The following DNAJC2 variants were observed in gnomAD, a reference collection of about 807,000 sequenced individuals.
The protein encoded by DNAJC2 is DnaJ heat shock protein family (Hsp40) member C2.
DNAJC2 carries 32 observed loss-of-function variants against 94.0 expected under a neutral mutation model. The observed-to-expected ratio is 0.34, with a 90% CI of 0.26 to 0.46. DNAJC2 has a LOEUF of 0.46. Ranked by LOEUF, DNAJC2 falls within the 20% of genes least tolerant of loss-of-function variation. The pLI, the probability that DNAJC2 is intolerant of heterozygous loss-of-function variation, is 1.00. For missense variants in DNAJC2, 550 were observed against 719.5 expected, an observed-to-expected ratio of 0.76 and a Z score of 2.69; for synonymous variants, 210 against 229.7, an observed-to-expected ratio of 0.91 and a Z score of 0.77.
rs1819535156 is a variant in DNAJC2 at position 103,344,686 on chromosome 7, T to A, written c.-64A>T. On this transcript the variant is annotated 5_prime_UTR_variant, in exon 1 of 17. Transcript: ENST00000379263. ...CGTCCCGGGCGGAGGGCGCTTAGGGTCCCCTCCAGCTCTACCTCTCACTCC... is the reference window on the plus strand; with the variant it reads ...CGTCCCGGGCGGAGGGCGCTTAGGGACCCCTCCAGCTCTACCTCTCACTCC... 8 of 1,549,516 alleles carry A rather than the reference T, an allele frequency of 5.2e-6. No homozygotes were observed. In the East Asian group the frequency reaches 1.8e-4, roughly 35 times the overall value.
chr7:103,342,941 G>C (rs748357482), intron 1 of DNAJC2, among the ~76,000 whole-genome samples: 25 of 151,578 alleles, frequency 1.6e-4, no homozygotes, highest in Non-Finnish European at 2.8e-4. Flanking sequence ...AATAAATAGT[G>C]ATAAATTGTC....
At chr7:103,344,415 G>T in intron 1 of DNAJC2, 144 bp downstream of exon 1, 1 of 831,430 alleles carries the variant, frequency 1.2e-6, no homozygotes, top group Non-Finnish European at 2.0e-6. Context: ...AAAACACGGA[G>T]CAAAAAGGCA....
chr7:103,340,422 T>C (rs1443034665), intron 2 of DNAJC2, among the ~76,000 whole-genome samples: 1 of 152,260 alleles, frequency 6.6e-6, no homozygotes, highest in African/African-American at 2.4e-5. Context: ...TTAGCTTATT[T>C]AGTCCTCTAA....
chr7:103,322,589 T>C lies in DNAJC2; in HGVS notation c.855A>G (p.Glu285=). 1 of 1,611,078 alleles carries C rather than the reference T, an allele frequency of 6.2e-7. No homozygotes were observed. Among genetic ancestry groups the C allele is most frequent in the Non-Finnish European group, 8.5e-7 (1 of 1,178,098 alleles). ...CTGCTTCTTTCTTGGCTTTTTCTTC[T>C]TCCTTGAACTTTTTTATCCTTGGAT... ...SCDPRIKKFK[E]EEKAKKEAEK... Residue 285 remains glutamate (E), a synonymous_variant, in exon 9 of 17, where the codon GAA becomes GAG. Coordinates refer to ENST00000379263, the MANE Select transcript of DNAJC2 (RefSeq NM_014377.3).
At chr7:103,317,114 A>G in intron 12 of DNAJC2, 100 bp from the exon 13 acceptor site, 2 of 1,048,386 alleles carry the variant, frequency 1.9e-6, no homozygotes, top group Non-Finnish European at 2.8e-6. Context: ...TCTCAATGTC[A>G]TTCTCACTCT....
At chr7:103,333,792 A>T (rs1284856372) in intron 3 of DNAJC2, among the ~76,000 whole-genome samples, 1 of 152,100 alleles carries the variant, frequency 6.6e-6, no homozygotes, top group African/African-American at 2.4e-5. Flanking sequence ...TTTGAGATTC[A>T]TCCATGTTTT....
At chr7:103,316,223 C>G in intron 13 of DNAJC2, 135 bp from the exon 14 acceptor site, 1 of 486,108 alleles carries the variant, frequency 2.1e-6, no homozygotes, top group South Asian at 5.6e-5. Context: ...TCTAATTATG[C>G]TGCTACTATA....
chr7:103,344,262 C>T (rs1251259805), intron 1 of DNAJC2: 5 of 442,404 alleles, frequency 1.1e-5, no homozygotes, highest in Non-Finnish European at 2.0e-5. Context: ...TTATGAGAAC[C>T]TTTCTGGGGT....
intron 10 of DNAJC2, among the ~76,000 whole-genome samples, chr7:103,321,061 G>T (rs897694391): frequency 6.6e-6 from 1 of 151,278 alleles, no homozygotes; most frequent in African/African-American, 2.4e-5. Flanking sequence ...AGCTGGGTGT[G>T]GTGGTATGCA....
At chr7:103,321,287 G>T (rs575433101) in intron 10 of DNAJC2, among the ~76,000 whole-genome samples, 1 of 151,972 alleles carries the variant, frequency 6.6e-6, no homozygotes, top group African/African-American at 2.4e-5. Context: ...GGAAGGCTGA[G>T]ATGGGTGGAT....
chr7:103,325,431 T>A (rs1818652360), intron 5 of DNAJC2, among the ~76,000 whole-genome samples: 3 of 144,606 alleles, frequency 2.1e-5, no homozygotes. Flanking sequence ...AGCAAGATAC[T>A]GTCTCAAAAT....
chr7:103,313,998 C>T, intron 15 of DNAJC2: 1 of 985,278 alleles, frequency 1.0e-6, no homozygotes, highest in Non-Finnish European at 1.2e-6. Flanking sequence ...GCCTAGAAAC[C>T]AAAGTTCCTT....
rs568247866 is a variant in DNAJC2, at chr7:103,313,178, G to A, written c.1637-77C>T. ...CAAGTCTTGTGGTCCACAAGTATTCGCTAAGTGCCCATTTCAATCTGGGAT... is the reference window on the plus strand; with the variant it reads ...CAAGTCTTGTGGTCCACAAGTATTCACTAAGTGCCCATTTCAATCTGGGAT... On this transcript the variant is annotated intron_variant, in intron 15 of 16. Coordinates refer to ENST00000379263, the MANE Select transcript of DNAJC2 (RefSeq NM_014377.3). The A allele has an allele frequency of 4.7e-6, 7 of 1,487,318 alleles. No individual in the cohort carries two copies. The East Asian group carries it at 9.5e-5, about 20-fold the overall frequency. 92.1% of individuals were successfully genotyped at this position (1,487,318 alleles called of 1,614,324 possible).
intron 2 of DNAJC2, among the ~76,000 whole-genome samples, chr7:103,340,370 C>T (rs1819331154): frequency 6.6e-6 from 1 of 152,188 alleles, no homozygotes; most frequent in African/African-American, 2.4e-5. Context: ...TCAGCTAACA[C>T]TTTCTGAGTG....
chr7:103,313,706 C>G, intron 15 of DNAJC2: 1 of 985,348 alleles, frequency 1.0e-6, no homozygotes, highest in Non-Finnish European at 1.2e-6. Flanking sequence ...CTGAACACTT[C>G]CAATAACTGC....
At chr7:103,327,296 A>T (rs1239474247) in intron 4 of DNAJC2, 2 of 1,194,312 alleles carry the variant, frequency 1.7e-6, no homozygotes, top group South Asian at 1.3e-5. Flanking sequence ...AAAAAAAAAA[A>T]ATCTTAGTAT....
At chr7:103,320,637 G>A (rs936864397) in intron 10 of DNAJC2, among the ~76,000 whole-genome samples, 8 of 150,826 alleles carry the variant, frequency 5.3e-5, no homozygotes, top group Non-Finnish European at 7.4e-5. Flanking sequence ...CCAGCTACTC[G>A]GGAGGCTGAG....
At chr7:103,314,903 C>G (rs941953945) in intron 15 of DNAJC2, among the ~76,000 whole-genome samples, 2 of 152,100 alleles carry the variant, frequency 1.3e-5, no homozygotes. Context: ...ATTGGTGGCT[C>G]ACAAAACATG....
At position 103,322,527 on chromosome 7, in the gene DNAJC2, T is replaced by TG; in HGVS notation, c.916dup (p.Gln306ProfsTer4). 3 of 1,513,400 alleles carry TG rather than the reference T, an allele frequency of 2.0e-6. No individual in the cohort carries two copies. The South Asian group carries it at 3.5e-5, about 18-fold the overall frequency. 93.7% of individuals were successfully genotyped at this position (1,513,400 alleles called of 1,614,324 possible). On this transcript the variant is annotated frameshift_variant, in exon 9 of 17. Transcript: ENST00000379263. LOFTEE classifies it high-confidence loss of function. ...TTGTCTTACTTTTTCTTTAGCTTCTTGCTCCTTCCGTTTAGCTTCTGCTTT... is the reference window on the plus strand; with the variant it reads ...TTGTCTTACTTTTTCTTTAGCTTCTTGGCTCCTTCCGTTTAGCTTCTGCTTT...
Sources: gnomAD v4.1 joint callset for allele counts (sites outside exome capture counted in the v4.1 genomes callset) on GRCh38, gnomAD v4.1.1 for gene constraint, MANE v1.5 for transcripts, NCBI Gene and HGNC (gene_info 2026-07-23, HGNC 2026-07-21) for gene names.